Variants in CACNA1D observed in about 807,000 individuals in gnomAD.
The protein encoded by CACNA1D is calcium voltage-gated channel subunit alpha1 D.
In CACNA1D, 55 loss-of-function variants were observed where a neutral mutation model predicts 257.1. The ratio of observed to expected loss-of-function variants is 0.21; its 90% CI spans 0.17 to 0.27. The LOEUF (loss-of-function observed/expected upper bound fraction) is 0.27. Among genes scored for constraint, CACNA1D ranks in the 10% least tolerant of loss-of-function variants. The probability of loss-of-function intolerance (pLI) is 1.00; values close to 1 mark genes in which losing one functional copy is unlikely to be tolerated. For synonymous variants in CACNA1D, 980 were observed against 1,014.9 expected, an observed-to-expected ratio of 0.97 and a Z score of 0.65; for missense variants, 1,876 against 2,784.0, an observed-to-expected ratio of 0.67 and a Z score of 7.34.
intron 45 of CACNA1D, 117 bp downstream of exon 45, chr3:53,805,263 C>G: frequency 1.1e-6 from 1 of 942,296 alleles, no homozygotes. Context: ...ATCCTTAGTC[C>G]TCAAGACCAG....
intron 3 of CACNA1D, among the ~76,000 whole-genome samples, chr3:53,614,126 C>CAAAAA (rs60855377): frequency 2.0e-4 from 22 of 108,750 alleles, no homozygotes; most frequent in African/African-American, 6.4e-4. Flanking sequence ...GCCCCCAACT[C>CAAAAA]AAAAAAAAAA....
chr3:53,567,573 G>A (rs1355677839), intron 3 of CACNA1D, among the ~76,000 whole-genome samples: 4 of 152,154 alleles, frequency 2.6e-5, no homozygotes, highest in Admixed American at 2.6e-4. Flanking sequence ...TGAGCCTCAA[G>A]TGTTTGATTA....
intron 9 of CACNA1D, among the ~76,000 whole-genome samples, chr3:53,717,902 T>C (rs1283554681): frequency 6.6e-6 from 1 of 152,202 alleles, no homozygotes; most frequent in Admixed American, 6.5e-5. Context: ...TCACAGATGT[T>C]CTATATGCAC....
chr3:53,746,981 G>A lies in CACNA1D; in HGVS notation c.3168-321G>A, dbSNP rs147152521. On this transcript the variant is annotated intron_variant, in intron 25 of 47. Coordinates refer to ENST00000350061, the MANE Select transcript of CACNA1D (RefSeq NM_001128840.3). ...GCTGAGCTTTGATCCTTCAGAGCGC[G>A]CCTCAAGCCCATTGTGTAAGAGATG... 1.5e-3 allele frequency among the ~76,000 whole-genome samples: 232 copies of A among 152,278 alleles called. 1 individual carries two copies. Among genetic ancestry groups the A allele is most frequent in the African/African-American group, 5.4e-3 (224 of 41,548 alleles).
At chr3:53,656,087 G>A (rs778712040) in intron 4 of CACNA1D, among the ~76,000 whole-genome samples, 13 of 152,102 alleles carry the variant, frequency 8.5e-5, no homozygotes, top group African/African-American at 2.4e-4. Context: ...TCAGATGGTC[G>A]TAGGTGTGTG....
chr3:53,810,784 A>C (rs931293645), intron 47 of CACNA1D, among the ~76,000 whole-genome samples: 13 of 144,160 alleles, frequency 9.0e-5, no homozygotes, highest in Non-Finnish European at 1.8e-4. Context: ...AAAAAAAAAA[A>C]AACAAAAACT....
intron 3 of CACNA1D, among the ~76,000 whole-genome samples, chr3:53,504,730 A>G (rs1330620470): frequency 6.6e-6 from 1 of 152,136 alleles, no homozygotes; most frequent in Non-Finnish European, 1.5e-5. Flanking sequence ...ATGCCTCTGT[A>G]TCAAGTGTCA....
intron 8 of CACNA1D, among the ~76,000 whole-genome samples, chr3:53,681,712 C>G (rs1414560177): frequency 1.3e-5 from 2 of 152,160 alleles, no homozygotes; most frequent in Non-Finnish European, 2.9e-5. Flanking sequence ...GCCAAAATGA[C>G]AATTACAAAC....
At chr3:53,760,163 C>T (rs1257201086) in intron 29 of CACNA1D, among the ~76,000 whole-genome samples, 1 of 152,104 alleles carries the variant, frequency 6.6e-6, no homozygotes, top group East Asian at 1.9e-4. Flanking sequence ...GGGAATCTTA[C>T]ATTATTAAGA....
intron 3 of CACNA1D, among the ~76,000 whole-genome samples, chr3:53,644,420 T>C (rs1295773427): frequency 6.6e-6 from 1 of 152,190 alleles, no homozygotes; most frequent in Non-Finnish European, 1.5e-5. Context: ...GAACTTACTC[T>C]TTCTAGCTTT....
chr3:53,689,358 T>A (rs2108509374), intron 8 of CACNA1D, among the ~76,000 whole-genome samples: 1 of 151,974 alleles, frequency 6.6e-6, no homozygotes, highest in South Asian at 2.1e-4. Flanking sequence ...TTTTTTTTTT[T>A]TTCTTTAAGC....
At chr3:53,509,153 G>A (rs956148187) in intron 3 of CACNA1D, among the ~76,000 whole-genome samples, 4 of 152,152 alleles carry the variant, frequency 2.6e-5, no homozygotes, top group South Asian at 2.1e-4. Context: ...GGTTCCTGTG[G>A]GCTGTAAGGG....
intron 3 of CACNA1D, among the ~76,000 whole-genome samples, chr3:53,548,507 A>T (rs774339891): frequency 6.6e-6 from 1 of 152,158 alleles, no homozygotes; most frequent in Non-Finnish European, 1.5e-5. Flanking sequence ...TGTTAGGAAC[A>T]TCCAAGATTC....
At position 53,749,489 on chromosome 3, in the gene CACNA1D, T is replaced by C. The variant is rs754458867; in HGVS notation, c.3516+20T>C. ...AATCAGGTTAAAGTCACACACTGTT[T>C]TGGCTTCTGTCCCTTGGTCAGGAGC... On this transcript the variant is annotated intron_variant, in intron 27 of 47. Transcript: ENST00000350061. The C allele has an allele frequency of 1.3e-5, 21 of 1,574,396 alleles. No homozygotes were observed. Among genetic ancestry groups the C allele is most frequent in the Middle Eastern group, 1.7e-4 (1 of 5,976 alleles).
chr3:53,727,437 C>T (rs2094946769), intron 15 of CACNA1D, among the ~76,000 whole-genome samples: 1 of 152,188 alleles, frequency 6.6e-6, no homozygotes, highest in Non-Finnish European at 1.5e-5. Flanking sequence ...CTGATCTGTG[C>T]TCCCCTGGGC....
chr3:53,733,039 G>T, intron 19 of CACNA1D, 77 bp downstream of exon 19: 4 of 1,458,230 alleles, frequency 2.7e-6, no homozygotes, highest in Middle Eastern at 1.8e-4. Flanking sequence ...TGGCTCGGGT[G>T]GGGGTGAGGG....
chr3:53,650,114 G>T (rs1437234737), intron 3 of CACNA1D, among the ~76,000 whole-genome samples: 2 of 152,220 alleles, frequency 1.3e-5, no homozygotes, highest in African/African-American at 4.8e-5. Flanking sequence ...GAAAGTGCAT[G>T]ATGACCTGTC....
chr3:53,525,803 C>T (rs143890844), intron 3 of CACNA1D, among the ~76,000 whole-genome samples: 66 of 152,146 alleles, frequency 4.3e-4, no homozygotes, highest in Admixed American at 1.2e-3. Context: ...GCTCTGGTCC[C>T]AGGTAGTGAG....
intron 3 of CACNA1D, among the ~76,000 whole-genome samples, chr3:53,558,547 G>A (rs75127845): frequency 0.054 from 8,170 of 152,144 alleles, 788 homozygotes; most frequent in African/African-American, 0.18. Context: ...TTTGTTGACT[G>A]CATTTCTTTT....
Sources: gnomAD v4.1 joint callset for allele counts (sites outside exome capture counted in the v4.1 genomes callset) on GRCh38, gnomAD v4.1.1 for gene constraint, MANE v1.5 for transcripts, NCBI Gene and HGNC (gene_info 2026-07-23, HGNC 2026-07-21) for gene names.